Variants in EEPD1 observed in about 807,000 individuals in gnomAD.
EEPD1 encodes endonuclease/exonuclease/phosphatase family domain-containing protein 1.
A neutral mutation model predicts 46.3 loss-of-function variants in EEPD1; 17 were observed. That is an observed-to-expected ratio of 0.37 (90% CI 0.25 to 0.55). The LOEUF is 0.55. Among genes scored for constraint, EEPD1 ranks in the 20% least tolerant of loss-of-function variants. The pLI, the probability that EEPD1 is intolerant of heterozygous loss-of-function variation, is 0.83. For synonymous variants in EEPD1, 313 were observed against 315.6 expected (o/e 0.99, Z 0.09); for missense variants, 673 against 745.6 (o/e 0.90, Z 1.13).
chr7:36,190,277 C>T (rs1785438983), intron 2 of EEPD1, among the ~76,000 whole-genome samples: 1 of 152,150 alleles, frequency 6.6e-6, no homozygotes, highest in Non-Finnish European at 1.5e-5. Flanking sequence ...GAGGCTGAGA[C>T]AGGAGAATCA....
intron 3 of EEPD1, among the ~76,000 whole-genome samples, chr7:36,279,248 T>A (rs1787225629): frequency 6.6e-6 from 1 of 152,150 alleles, no homozygotes; most frequent in Non-Finnish European, 1.5e-5. Flanking sequence ...GGTAGGGGTT[T>A]ATAAAGGAGG....
chr7:36,191,276 G>A (rs1583798114), intron 2 of EEPD1, among the ~76,000 whole-genome samples: 1 of 152,234 alleles, frequency 6.6e-6, no homozygotes. Flanking sequence ...AGATAGGTTA[G>A]CCTGGTCATT....
intron 6 of EEPD1, among the ~76,000 whole-genome samples, chr7:36,288,038 G>T (rs147585871): frequency 2.6e-5 from 4 of 152,160 alleles, no homozygotes; most frequent in African/African-American, 4.8e-5. Context: ...AAAGGATTAG[G>T]GGGGAAGAAT....
chr7:36,190,664 G>T (rs1289927365), intron 2 of EEPD1, among the ~76,000 whole-genome samples: 1 of 152,216 alleles, frequency 6.6e-6, no homozygotes, highest in East Asian at 1.9e-4. Context: ...TTGTTCCAAT[G>T]GGTTTATTTT....
At chr7:36,277,144 A>G (rs1204772407) in intron 3 of EEPD1, among the ~76,000 whole-genome samples, 1 of 152,264 alleles carries the variant, frequency 6.6e-6, no homozygotes, top group Non-Finnish European at 1.5e-5. Context: ...CCAAAGATTC[A>G]GTAGAGGGGG....
At chr7:36,208,902 C>T (rs928035791) in intron 2 of EEPD1, among the ~76,000 whole-genome samples, 3 of 152,204 alleles carry the variant, frequency 2.0e-5, no homozygotes, top group Non-Finnish European at 2.9e-5. Flanking sequence ...AGGATTCAAA[C>T]GGGGTCCAGC....
intron 2 of EEPD1, among the ~76,000 whole-genome samples, chr7:36,217,558 G>T (rs1786051436): frequency 6.6e-6 from 1 of 152,120 alleles, no homozygotes; most frequent in Admixed American, 6.5e-5. Context: ...TAACCTCCTG[G>T]GAATACAGCC....
At chr7:36,280,294 T>C (rs994837925) in intron 3 of EEPD1, among the ~76,000 whole-genome samples, 1 of 151,436 alleles carries the variant, frequency 6.6e-6, no homozygotes, top group South Asian at 2.1e-4. Context: ...TGAATGAGAG[T>C]CCTTAAGCGG....
Position 36,285,720 on chromosome 7 carries a change from G to T in EEPD1, c.1176+900G>T, listed in dbSNP as rs577962519. On this transcript the variant is annotated intron_variant, in intron 5 of 7. Transcript: ENST00000242108. ...TGGGCATGGAGACCCCCTGCTTTCTGTGTGCTCCAGAGCAGTTCTTGAACC... is the reference window on the plus strand; with the variant it reads ...TGGGCATGGAGACCCCCTGCTTTCTTTGTGCTCCAGAGCAGTTCTTGAACC... 2.6e-5 allele frequency among the ~76,000 whole-genome samples: 4 copies of T among 152,306 alleles called. No homozygotes were observed. In the South Asian group the frequency reaches 8.3e-4, roughly 32 times the overall value.
chr7:36,194,934 G>A (rs1785550266), intron 2 of EEPD1, among the ~76,000 whole-genome samples: 1 of 152,176 alleles, frequency 6.6e-6, no homozygotes, highest in African/African-American at 2.4e-5. Context: ...CACAAACCTG[G>A]AAGCTACCAA....
intron 3 of EEPD1, 85 bp downstream of exon 3, chr7:36,239,121 G>C: frequency 1.5e-6 from 2 of 1,317,134 alleles, no homozygotes; most frequent in Non-Finnish European, 2.2e-6. Context: ...TGTCACCAGA[G>C]ACAGCCCCTA....
At chr7:36,254,651 A>C (rs1236686741) in intron 3 of EEPD1, among the ~76,000 whole-genome samples, 1 of 152,108 alleles carries the variant, frequency 6.6e-6, no homozygotes, top group African/African-American at 2.4e-5. Flanking sequence ...CCAGTAATGG[A>C]ATTACTGGGT....
chr7:36,174,734 T>C (rs907363930), intron 2 of EEPD1, among the ~76,000 whole-genome samples: 6 of 152,232 alleles, frequency 3.9e-5, no homozygotes, highest in African/African-American at 1.2e-4. Flanking sequence ...CAAGTGTGGA[T>C]ACCTGGATCA....
intron 2 of EEPD1, 41 bp downstream of exon 2, chr7:36,155,243 A>G: frequency 1.3e-6 from 2 of 1,495,210 alleles, no homozygotes; most frequent in Non-Finnish European, 1.8e-6. Flanking sequence ...TGTGAAGGCA[A>G]CTTGTGCGTG....
Position 36,155,191 on chromosome 7 carries a change from C to G in EEPD1, c.867C>G (p.Leu289=). The G allele has an allele frequency of 1.3e-6, 2 of 1,511,764 alleles. No individual in the cohort carries two copies. Among genetic ancestry groups the G allele is most frequent in the Non-Finnish European group, 1.8e-6 (2 of 1,129,744 alleles). The allele number at this position is 1,511,764 out of a possible 1,614,324, so 93.6% of individuals were successfully genotyped here. ...TGCGAGAGGTGGTGTGCATGACACT[C>G]CTGGAAAACAGGTGAGGACAGGAAC... ...PGVREVVCMT[L]LENSIKLLAV... The change falls in exon 2 of 8, where the codon CTC becomes CTG. Residue 289 remains leucine (L), a synonymous_variant. Transcript: ENST00000242108.
intron 5 of EEPD1, among the ~76,000 whole-genome samples, chr7:36,286,549 C>T (rs551932787): frequency 6.6e-6 from 1 of 152,384 alleles, no homozygotes; most frequent in South Asian, 2.1e-4. Context: ...CAGAGACAAA[C>T]TCTGACCCTG....
At chr7:36,273,525 G>A (rs929329247) in intron 3 of EEPD1, among the ~76,000 whole-genome samples, 5 of 152,054 alleles carry the variant, frequency 3.3e-5, no homozygotes, top group African/African-American at 1.2e-4. Flanking sequence ...CTTATTCCAG[G>A]CAGTTTAGGA....
chr7:36,178,090 G>A (rs965877221), intron 2 of EEPD1, among the ~76,000 whole-genome samples: 1 of 152,144 alleles, frequency 6.6e-6, no homozygotes, highest in African/African-American at 2.4e-5. Context: ...TAAGCCCTCA[G>A]GGCCTCATCT....
intron 3 of EEPD1, among the ~76,000 whole-genome samples, chr7:36,258,673 C>G (rs999468780): frequency 6.6e-6 from 1 of 152,098 alleles, no homozygotes; most frequent in Admixed American, 6.5e-5. Flanking sequence ...CGCCCCTCCC[C>G]CCACCAGCTC....
Sources: allele counts gnomAD v4.1 joint callset (sites outside exome capture counted in the v4.1 genomes callset), GRCh38; gene constraint gnomAD v4.1.1; transcripts MANE v1.5; gene names NCBI Gene and HGNC (gene_info 2026-07-23, HGNC 2026-07-21).